The following XKR4 variants were observed in gnomAD, a reference collection of about 807,000 sequenced individuals.
XKR4 encodes the protein XK-related protein 4.
XKR4 carries 12 observed loss-of-function variants against 53.9 expected under a neutral mutation model. That is an observed-to-expected ratio of 0.22 (90% CI 0.14 to 0.36). The LOEUF (loss-of-function observed/expected upper bound fraction) is 0.36. XKR4 is among the 10% of genes least tolerant of loss of function. The pLI is 1.00. For missense variants in XKR4, 799 were observed against 859.5 expected (o/e 0.93, Z 0.88); for synonymous variants, 354 against 362.4 (o/e 0.98, Z 0.26).
chr8:55,188,088 C>CTGTT (rs1204722534), intron 1 of XKR4, among the ~76,000 whole-genome samples: 1 of 152,036 alleles, frequency 6.6e-6, no homozygotes, highest in Non-Finnish European at 1.5e-5. Flanking sequence ...GCTGTTAATT[C>CTGTT]TGTTTTATAA....
At chr8:55,453,676 G>T in intron 2 of XKR4, 1 of 410,818 alleles carries the variant, frequency 2.4e-6, no homozygotes, top group East Asian at 6.0e-5. Flanking sequence ...GGAAGGGCCG[G>T]GGCGCCCATC....
intron 1 of XKR4, among the ~76,000 whole-genome samples, chr8:55,226,562 C>T (rs1162319135): frequency 3.3e-5 from 5 of 152,160 alleles, no homozygotes; most frequent in Non-Finnish European, 7.4e-5. Context: ...ATCTTCCCAA[C>T]CCATTTTTTA....
At chr8:55,284,752 C>T (rs1304622536) in intron 1 of XKR4, among the ~76,000 whole-genome samples, 2 of 152,134 alleles carry the variant, frequency 1.3e-5, no homozygotes, top group Admixed American at 1.3e-4. Flanking sequence ...AAGCAAGTCA[C>T]GAGTCCCACC....
At chr8:55,354,692 T>G (rs938903675) in intron 1 of XKR4, among the ~76,000 whole-genome samples, 1 of 149,922 alleles carries the variant, frequency 6.7e-6, no homozygotes, top group Non-Finnish European at 1.5e-5. Context: ...CTAATGATGT[T>G]TCTATAGACA....
At chr8:55,156,157 C>T (rs1484081099) in intron 1 of XKR4, among the ~76,000 whole-genome samples, 1 of 151,822 alleles carries the variant, frequency 6.6e-6, no homozygotes, top group East Asian at 1.9e-4. Context: ...GGGAGAGGAG[C>T]TTCCGCAGGG....
chr8:55,468,995 T>A (rs1234152020), intron 2 of XKR4, among the ~76,000 whole-genome samples: 1 of 152,094 alleles, frequency 6.6e-6, no homozygotes, highest in Non-Finnish European at 1.5e-5. Flanking sequence ...GGTTTCCATA[T>A]TTATTGGATT....
At chr8:55,285,676 G>T (rs1477308096) in intron 1 of XKR4, among the ~76,000 whole-genome samples, 1 of 152,162 alleles carries the variant, frequency 6.6e-6, no homozygotes, top group Non-Finnish European at 1.5e-5. Context: ...TGTACACATT[G>T]CTTCCACCTC....
At chr8:55,203,052 C>A (rs981766710) in intron 1 of XKR4, among the ~76,000 whole-genome samples, 1 of 152,204 alleles carries the variant, frequency 6.6e-6, no homozygotes, top group Non-Finnish European at 1.5e-5. Context: ...AAGGTACAAA[C>A]AATTTCAGGC....
intron 2 of XKR4, among the ~76,000 whole-genome samples, chr8:55,512,977 C>G (rs1320014514): frequency 6.6e-6 from 1 of 152,178 alleles, no homozygotes; most frequent in Admixed American, 6.5e-5. Flanking sequence ...CTTGTGTGAT[C>G]ATGAACATCC....
chr8:55,106,883 G>T (rs1228305449), intron 1 of XKR4, among the ~76,000 whole-genome samples: 3 of 152,096 alleles, frequency 2.0e-5, no homozygotes, highest in Non-Finnish European at 4.4e-5. Flanking sequence ...TGTCATGCTT[G>T]CTATTCCAGA....
At chr8:55,413,813 A>G (rs1804807653) in intron 2 of XKR4, among the ~76,000 whole-genome samples, 1 of 152,182 alleles carries the variant, frequency 6.6e-6, no homozygotes, top group African/African-American at 2.4e-5. Context: ...TAGCAGTTAT[A>G]TTTTATGTGA....
chr8:55,498,687 C>A (rs532277115), intron 2 of XKR4, among the ~76,000 whole-genome samples: 1 of 152,090 alleles, frequency 6.6e-6, no homozygotes, highest in Non-Finnish European at 1.5e-5. Flanking sequence ...TCAGGAGGAT[C>A]GCTTGAGGCC....
intron 1 of XKR4, among the ~76,000 whole-genome samples, chr8:55,280,356 C>T (rs1017935839): frequency 6.6e-6 from 1 of 151,970 alleles, no homozygotes; most frequent in Admixed American, 6.6e-5. Context: ...ATGGGAAAAC[C>T]CACTAGGTAA....
At chr8:55,256,959 C>T (rs1192423252) in intron 1 of XKR4, among the ~76,000 whole-genome samples, 1 of 152,138 alleles carries the variant, frequency 6.6e-6, no homozygotes, top group East Asian at 1.9e-4. Flanking sequence ...TGGTGAGGGC[C>T]CATTCTTCAT....
At chr8:55,273,649 T>C (rs904925773) in intron 1 of XKR4, among the ~76,000 whole-genome samples, 4 of 152,152 alleles carry the variant, frequency 2.6e-5, no homozygotes, top group Admixed American at 2.6e-4. Context: ...GCCCCCACCC[T>C]GGAACTGACT....
intron 1 of XKR4, among the ~76,000 whole-genome samples, chr8:55,302,160 A>T (rs1211987871): frequency 6.6e-6 from 1 of 152,074 alleles, no homozygotes; most frequent in Admixed American, 6.6e-5. Flanking sequence ...TCCATCTTGA[A>T]TTAATTTTTG....
chr8:55,135,986 C>T lies in XKR4; in HGVS notation c.806+32692C>T, dbSNP rs533810907. ...TTGGCTCACTGCAACCTCCGCCTCC[C>T]GGGTTCAAGTGATGCTCCCACCTCA... On this transcript the variant is annotated intron_variant, in intron 1 of 2. Transcript: ENST00000327381. Among the ~76,000 whole-genome samples the T allele has an allele frequency of 3.9e-5, 6 of 151,924 alleles. 1 individual carries two copies. The highest frequency in any genetic ancestry group is 7.2e-5 in the African/African-American group (3 of 41,398).
chr8:55,499,516 T>C (rs1395392), intron 2 of XKR4, among the ~76,000 whole-genome samples: 57,757 of 151,952 alleles, frequency 0.38, 13,067 homozygotes, highest in African/African-American at 0.64. Context: ...TTTTAGAAAA[T>C]TTACAAGTTA....
intron 1 of XKR4, among the ~76,000 whole-genome samples, chr8:55,141,222 C>A (rs1355313300): frequency 6.6e-6 from 1 of 152,188 alleles, no homozygotes; most frequent in Non-Finnish European, 1.5e-5. Flanking sequence ...GCACTGGGAC[C>A]GCCCTGCCTA....
Sources: allele counts gnomAD v4.1 joint callset (sites outside exome capture counted in the v4.1 genomes callset), GRCh38; gene constraint gnomAD v4.1.1; transcripts MANE v1.5; gene names NCBI Gene and HGNC (gene_info 2026-07-23, HGNC 2026-07-21).